The following SYTL5 variants were observed in gnomAD, a reference collection of about 807,000 sequenced individuals.
SYTL5 encodes synaptotagmin like 5.
Under a neutral mutation model 55.9 loss-of-function variants are expected in SYTL5, and 34 were observed. The ratio of observed to expected loss-of-function variants is 0.61; its 90% confidence interval spans 0.46 to 0.81. The LOEUF (loss-of-function observed/expected upper bound fraction) is 0.81. Ranked by LOEUF, SYTL5 falls within the 30% of genes least tolerant of loss-of-function variation. SYTL5 has a pLI of 0.00. For missense variants in SYTL5, 637 were observed against 546.7 expected (o/e 1.17, Z -1.65); for synonymous variants, 221 against 188.7 (o/e 1.17, Z -1.40).
Position 38,071,055 on chromosome X carries a change from T to TC in SYTL5, c.330-992_330-991insC, listed in dbSNP as rs1569176300. On this transcript the variant is annotated intron_variant, in intron 3 of 16. Transcript: ENST00000297875. Reference sequence around the variant, plus strand: ...GTAATGTGTTAAAATTATGAGAGAGTAGTCATTCATTTGAAAAACATTAAT... The same window carrying TC: ...GTAATGTGTTAAAATTATGAGAGAGTCAGTCATTCATTTGAAAAACATTAAT... 2.5e-4 allele frequency among the ~76,000 whole-genome samples: 28 copies of TC among 110,083 alleles called. No homozygotes were observed. The East Asian group carries it at 5.1e-3, about 20-fold the overall frequency.
chrX:38,025,632 T>C (rs1934741383), intron 1 of SYTL5, among the ~76,000 whole-genome samples: 1 of 112,350 alleles, frequency 8.9e-6, no homozygotes, highest in South Asian at 3.7e-4. Context: ...GAGATCTGTT[T>C]AAGTTAGGAA....
At chrX:37,942,984 C>T in the SYTL5 span, among the ~76,000 whole-genome samples, 1 of 111,620 alleles carries the variant, frequency 9.0e-6, no homozygotes, top group Non-Finnish European at 1.9e-5. Flanking sequence ...ATTTGGCTCT[C>T]ATTCATTTAA....
At chrX:37,913,065 C>T in the SYTL5 span, among the ~76,000 whole-genome samples, 5 of 111,722 alleles carry the variant, frequency 4.5e-5, no homozygotes, top group Admixed American at 1.9e-4. Context: ...TTGTACCTCC[C>T]CCTTCTTCCT....
intron 2 of SYTL5, 146 bp from the exon 3 acceptor site, chrX:38,054,067 T>A (rs1935699787): frequency 2.2e-6 from 1 of 452,604 alleles, no homozygotes; most frequent in Non-Finnish European, 3.8e-6. Context: ...TTCAAAATTC[T>A]AAGTGAGATT....
intron 6 of SYTL5, among the ~76,000 whole-genome samples, chrX:38,080,825 G>A (rs1360826901): frequency 9.0e-6 from 1 of 111,387 alleles, no homozygotes; most frequent in Non-Finnish European, 1.9e-5. Context: ...TTGCAATTAA[G>A]GTGCCAATTA....
intron 1 of SYTL5, among the ~76,000 whole-genome samples, chrX:38,031,483 C>T: frequency 8.9e-6 from 1 of 111,752 alleles, no homozygotes; most frequent in Non-Finnish European, 1.9e-5. Flanking sequence ...GTATTTATAG[C>T]CCAAGGCAGG....
At chrX:38,076,960 G>T (rs1468840947) in intron 6 of SYTL5, among the ~76,000 whole-genome samples, 1 of 111,912 alleles carries the variant, frequency 8.9e-6, no homozygotes, top group Non-Finnish European at 1.9e-5. Flanking sequence ...CAGTTCAAAT[G>T]GAAATGTACA....
At chrX:38,015,783 G>A (rs1296847205) in intron 1 of SYTL5, among the ~76,000 whole-genome samples, 1 of 110,571 alleles carries the variant, frequency 9.0e-6, no homozygotes, top group African/African-American at 3.3e-5. Context: ...CGCTCTGGGC[G>A]GGCATGTCCA....
chrX:38,126,505 C>T (rs944240967), intron 16 of SYTL5, 83 bp from the exon 17 acceptor site: 4 of 1,030,875 alleles, frequency 3.9e-6, no homozygotes, highest in African/African-American at 1.9e-5. Context: ...GGTGAAAAGG[C>T]CTGCTCAGAA....
chrX:38,073,519 C>A, intron 4 of SYTL5, 71 bp from the exon 5 acceptor site: 1 of 780,824 alleles, frequency 1.3e-6, no homozygotes, highest in Non-Finnish European at 1.9e-6. Context: ...AAAGTGAAAG[C>A]AGAATATAAA....
intron 2 of SYTL5, among the ~76,000 whole-genome samples, chrX:38,043,895 C>T (rs908156346): frequency 8.3e-5 from 9 of 107,870 alleles, no homozygotes; most frequent in Non-Finnish European, 1.5e-4. Flanking sequence ...GAATGTGCAA[C>T]GTGTTTCTTA....
At chrX:37,910,954 G>A in the SYTL5 span, among the ~76,000 whole-genome samples, 1 of 102,047 alleles carries the variant, frequency 9.8e-6, no homozygotes, top group Non-Finnish European at 2.0e-5. Flanking sequence ...AATTCTAATT[G>A]CTGATAGCAT....
intron 6 of SYTL5, among the ~76,000 whole-genome samples, chrX:38,082,915 T>C (rs1936569699): frequency 8.9e-6 from 1 of 112,460 alleles, no homozygotes; most frequent in South Asian, 3.7e-4. Flanking sequence ...AGAGGTAAGT[T>C]GGACCAGGAT....
chrX:38,095,399 T>A (rs1936906657), intron 8 of SYTL5, among the ~76,000 whole-genome samples: 1 of 111,977 alleles, frequency 8.9e-6, no homozygotes, highest in Non-Finnish European at 1.9e-5. Flanking sequence ...ACTTAAGTAC[T>A]TGATTACTCT....
chrX:38,071,888 T>G (rs971589324), intron 3 of SYTL5, among the ~76,000 whole-genome samples, 159 bp from the exon 4 acceptor site: 1 of 112,501 alleles, frequency 8.9e-6, no homozygotes, highest in African/African-American at 3.2e-5. Flanking sequence ...ATAGTAAACA[T>G]TCAATTAATA....
At chrX:38,069,042 C>A (rs990668774) in intron 3 of SYTL5, among the ~76,000 whole-genome samples, 1 of 111,344 alleles carries the variant, frequency 9.0e-6, no homozygotes, top group South Asian at 3.8e-4. Flanking sequence ...ATGTAACAAT[C>A]ATTTCTAGCT....
the SYTL5 span, among the ~76,000 whole-genome samples, chrX:37,895,409 T>TTTCCTTCCTTCC: frequency 0.013 from 1,085 of 83,423 alleles, 26 homozygotes; most frequent in East Asian, 0.075. Context: ...TAGTTTTTCT[T>TTTCCTTCCTTCC]TTCCTTCCTT....
At chrX:37,997,077 G>A in the SYTL5 span, among the ~76,000 whole-genome samples, 1 of 112,374 alleles carries the variant, frequency 8.9e-6, no homozygotes, top group Non-Finnish European at 1.9e-5. Context: ...GTATATATGT[G>A]GCTACAGTTA....
intron 1 of SYTL5, among the ~76,000 whole-genome samples, chrX:38,023,612 C>G (rs1934642153): frequency 2.7e-5 from 3 of 111,592 alleles, no homozygotes. Flanking sequence ...CGCAATATAA[C>G]TTAGATATTT....
Sources: gnomAD v4.1 joint callset for allele counts (sites outside exome capture counted in the v4.1 genomes callset) on GRCh38, gnomAD v4.1.1 for gene constraint, MANE v1.5 for transcripts, NCBI Gene and HGNC (gene_info 2026-07-23, HGNC 2026-07-21) for gene names.